ABCC8: variants seen among roughly 807,000 people sequenced by gnomAD.
The protein encoded by ABCC8 is ATP binding cassette subfamily C member 8, also known as ATP-binding cassette sub-family C member 8.
Under a neutral mutation model 188.0 loss-of-function variants are expected in ABCC8, and 137 were observed. The observed-to-expected ratio is 0.73, with a 90% CI of 0.63 to 0.84. The LOEUF is 0.84. Ranked by LOEUF, ABCC8 falls within the 40% of genes least tolerant of loss-of-function variation. The pLI, the probability that ABCC8 is intolerant of heterozygous loss-of-function variation, is 0.00. For missense variants in ABCC8, 1,750 were observed against 2,072.7 expected (o/e 0.84, Z 3.02); for synonymous variants, 797 against 846.5 (o/e 0.94, Z 1.01).
At chr11:17,433,652 C>G (rs1955948507) in intron 10 of ABCC8, among the ~76,000 whole-genome samples, 1 of 152,184 alleles carries the variant, frequency 6.6e-6, no homozygotes, top group Admixed American at 6.5e-5. Flanking sequence ...AGTACATGCC[C>G]CTTAGGAGTT....
rs188075767 is a variant in ABCC8 at position 17,442,710 on chromosome 11, G to T, written c.1630+10C>A. ...CAGCACCCAGGGCTGGCTGTGTGGGGTGAACTCACTGGAGATGGAGGTATA... is the reference window on the plus strand; with the variant it reads ...CAGCACCCAGGGCTGGCTGTGTGGGTTGAACTCACTGGAGATGGAGGTATA... On this transcript the variant is annotated intron_variant, in intron 10 of 38. Coordinates refer to ENST00000389817, the MANE Select transcript of ABCC8 (RefSeq NM_000352.6). The T allele has an allele frequency of 6.2e-7, 1 of 1,613,036 alleles. No individual in the cohort carries two copies. The highest frequency in any genetic ancestry group is 8.5e-7 in the Non-Finnish European group (1 of 1,179,748).
intron 27 of ABCC8, among the ~76,000 whole-genome samples, chr11:17,405,068 C>T (rs1180466692): frequency 6.6e-6 from 1 of 152,158 alleles, no homozygotes; most frequent in Non-Finnish European, 1.5e-5. Flanking sequence ...CCCGGCCTTG[C>T]TCTCCCTTTA....
intron 22 of ABCC8, among the ~76,000 whole-genome samples, chr11:17,409,032 C>CA (rs1448909417): frequency 6.7e-6 from 1 of 150,318 alleles, no homozygotes; most frequent in Admixed American, 6.7e-5. Context: ...CAGCTCACTG[C>CA]AATCTCTGCT....
At chr11:17,436,258 C>G in intron 10 of ABCC8, 1 of 477,496 alleles carries the variant, frequency 2.1e-6, no homozygotes, top group South Asian at 2.0e-5. Flanking sequence ...TTTTGGGGCT[C>G]TGGGGTGGAT....
intron 6 of ABCC8, among the ~76,000 whole-genome samples, chr11:17,457,940 G>T (rs1444045278): frequency 6.6e-6 from 1 of 152,138 alleles, no homozygotes; most frequent in Non-Finnish European, 1.5e-5. Flanking sequence ...TAGCTAGGGA[G>T]CTTCCTTCTT....
At chr11:17,467,935 T>A (rs1848261089) in intron 3 of ABCC8, among the ~76,000 whole-genome samples, 1 of 152,228 alleles carries the variant, frequency 6.6e-6, no homozygotes, top group Non-Finnish European at 1.5e-5. Flanking sequence ...GAACATTATG[T>A]GTTTGCTGGA....
In ABCC8 at chr11:17,460,474, CT is replaced by C. The variant is rs778790265; in HGVS notation, c.1011+13del. 5.6e-6 allele frequency: 9 copies of C among 1,614,028 alleles called. No homozygotes were observed. The African/African-American group carries it at 1.1e-4, about 19-fold the overall frequency. ...ATCTAGAGGGTGCCTTACCCTACCC[CT>C]GGGGCTGCCTACCTTGGGCTGGAAG... is the stretch of plus-strand genomic sequence containing the variant. On this transcript the variant is annotated intron_variant, in intron 6 of 38. Coordinates refer to ENST00000389817, the MANE Select transcript of ABCC8 (RefSeq NM_000352.6).
chr11:17,437,489 T>C (rs1956152006), intron 10 of ABCC8, among the ~76,000 whole-genome samples: 1 of 152,246 alleles, frequency 6.6e-6, no homozygotes, highest in African/African-American at 2.4e-5. Context: ...GGGAGGAGCA[T>C]GCAGGCTCAC....
chr11:17,418,861 G>A (rs763994809), intron 16 of ABCC8, among the ~76,000 whole-genome samples: 1 of 152,218 alleles, frequency 6.6e-6, no homozygotes, highest in Non-Finnish European at 1.5e-5. Context: ...ATAATGAATG[G>A]AGGCTGGTAA....
chr11:17,396,816 T>C, intron 33 of ABCC8, 100 bp downstream of exon 33: 1 of 1,487,106 alleles, frequency 6.7e-7, no homozygotes. Context: ...GCCTCGGCCC[T>C]GGAGGGCCAC....
chr11:17,433,193 C>T (rs182920899), intron 10 of ABCC8, among the ~76,000 whole-genome samples: 225 of 152,226 alleles, frequency 1.5e-3, no homozygotes, highest in African/African-American at 4.1e-3. Flanking sequence ...AGAGAGCAGC[C>T]CCCCCATGGC....
intron 6 of ABCC8, 131 bp from the exon 7 acceptor site, chr11:17,453,414 A>G (rs1956885084): frequency 7.8e-7 from 1 of 1,275,296 alleles, no homozygotes; most frequent in Non-Finnish European, 1.1e-6. Flanking sequence ...AGGCTTGTGC[A>G]ATTGTTTATG....
At chr11:17,392,855 G>GC (rs1953696909), downstream of ABCC8, 1 of 1,073,634 alleles carries the variant, frequency 9.3e-7, no homozygotes, top group African/African-American at 1.6e-5. Flanking sequence ...TCCACCGCCA[G>GC]CCCCTGCCCA....
Position 17,428,320 on chromosome 11 carries a change from G to C in ABCC8, c.2009C>G (p.Ala670Gly), listed in dbSNP as rs1340402679. 1.2e-6 allele frequency: 2 copies of C among 1,614,082 alleles called. No homozygotes were observed. Among genetic ancestry groups the C allele is most frequent in the African/African-American group, 2.7e-5 (2 of 74,948 alleles). ...TGPLQSLVPS[A>G]DGDADNCCVQ... Reference sequence around the variant, plus strand: ...ACAGCAGTTGTCAGCATCGCCATCTGCACTGGGGACCAGGCTCTGCAGTGG... The same window carrying C: ...ACAGCAGTTGTCAGCATCGCCATCTCCACTGGGGACCAGGCTCTGCAGTGG... Residue 670 changes from alanine to glycine, a missense_variant, in exon 14 of 39, where the codon GCA (alanine) becomes GGA (glycine). Coordinates refer to ENST00000389817, the MANE Select transcript of ABCC8 (RefSeq NM_000352.6).
chr11:17,411,657 C>T (rs910743830), intron 21 of ABCC8, among the ~76,000 whole-genome samples: 3 of 152,260 alleles, frequency 2.0e-5, no homozygotes, highest in Admixed American at 1.3e-4. Flanking sequence ...GGAAGCCCTC[C>T]CTGATTACTC....
chr11:17,397,865 TC>T, intron 30 of ABCC8, 68 bp from the exon 31 acceptor site: 1 of 1,586,652 alleles, frequency 6.3e-7, no homozygotes, highest in Non-Finnish European at 8.5e-7. Context: ...TCTACCTCAC[TC>T]CTTTTCGGGG....
At chr11:17,458,426 C>T (rs1957073060) in intron 6 of ABCC8, among the ~76,000 whole-genome samples, 4 of 152,258 alleles carry the variant, frequency 2.6e-5, no homozygotes, top group Admixed American at 1.3e-4. Flanking sequence ...TGCCTCAGAG[C>T]TCTCTCCTTA....
intron 6 of ABCC8, among the ~76,000 whole-genome samples, chr11:17,459,633 A>G (rs529590357): frequency 1.3e-5 from 2 of 152,352 alleles, no homozygotes; most frequent in East Asian, 3.9e-4. Flanking sequence ...TTAAAATGTT[A>G]TAATGACATC....
At chr11:17,467,974 C>T (rs1007098112) in intron 3 of ABCC8, among the ~76,000 whole-genome samples, 4 of 151,968 alleles carry the variant, frequency 2.6e-5, no homozygotes, top group African/African-American at 9.7e-5. Flanking sequence ...CTCAGATGTC[C>T]AGACAGGGTG....
Sources: allele counts gnomAD v4.1 joint callset (sites outside exome capture counted in the v4.1 genomes callset), GRCh38; gene constraint gnomAD v4.1.1; transcripts MANE v1.5; gene names NCBI Gene and HGNC (gene_info 2026-07-23, HGNC 2026-07-21).